GALM: variants seen among roughly 807,000 people sequenced by gnomAD.
GALM encodes the protein galactose mutarotase.
A neutral mutation model predicts 37.4 loss-of-function variants in GALM; 43 were observed. The observed-to-expected ratio is 1.15, with a 90% CI of 0.90 to 1.48. The LOEUF (loss-of-function observed/expected upper bound fraction) is 1.48. GALM is among the 40% of genes most tolerant of loss of function. GALM has a pLI of 0.00. For missense variants in GALM, 456 were observed against 419.1 expected, an observed-to-expected ratio of 1.09 and a Z score of -0.77; for synonymous variants, 199 against 170.6, an observed-to-expected ratio of 1.17 and a Z score of -1.30.
At chr2:38,675,363 T>C (rs1436433077) in intron 1 of GALM, among the ~76,000 whole-genome samples, 1 of 152,106 alleles carries the variant, frequency 6.6e-6, no homozygotes, top group African/African-American at 2.4e-5. Flanking sequence ...GTATAATGAA[T>C]ATTAATTACT....
intron 3 of GALM, among the ~76,000 whole-genome samples, chr2:38,684,354 T>G (rs1352517190): frequency 2.0e-5 from 3 of 149,108 alleles, no homozygotes; most frequent in Non-Finnish European, 3.0e-5. Context: ...AACACAAAAC[T>G]GGGATAACTT....
Position 38,682,669 on chromosome 2 carries a change from A to G in GALM, c.552+1183A>G, listed in dbSNP as rs370701885. Among the ~76,000 whole-genome samples the G allele has an allele frequency of 1.6e-4, 25 of 152,166 alleles. 1 individual carries two copies. The East Asian group carries it at 3.5e-3, about 21-fold the overall frequency. On this transcript the variant is annotated intron_variant, in intron 3 of 6. Coordinates refer to ENST00000272252, the MANE Select transcript of GALM (RefSeq NM_138801.3). ...CCCGGCACTTTGGGAGGCCGAGATG[A>G]GTGAATCACCTGAGGTTAGGAGTTT...
intron 6 of GALM, among the ~76,000 whole-genome samples, chr2:38,732,424 T>C (rs1666627254): frequency 6.6e-6 from 1 of 152,194 alleles, no homozygotes; most frequent in Non-Finnish European, 1.5e-5. Flanking sequence ...TAACATGGGA[T>C]TTACATGGTT....
At chr2:38,687,383 C>T (rs1665563110) in intron 3 of GALM, among the ~76,000 whole-genome samples, 1 of 152,156 alleles carries the variant, frequency 6.6e-6, no homozygotes, top group African/African-American at 2.4e-5. Context: ...TACCCCTGCC[C>T]AGCACACACC....
intron 4 of GALM, among the ~76,000 whole-genome samples, chr2:38,696,833 A>C (rs569130819): frequency 8.0e-6 from 1 of 124,450 alleles, no homozygotes; most frequent in South Asian, 2.7e-4. Flanking sequence ...TCTGTCAACC[A>C]GGCTGGAGTG....
In GALM at chr2:38,722,376, T is replaced by C. The variant is rs116829119; in HGVS notation, c.635-7180T>C. Among the ~76,000 whole-genome samples, 351 of 152,266 alleles carry C rather than the reference T, an allele frequency of 2.3e-3. 1 individual carries two copies. Among genetic ancestry groups the C allele is most frequent in the African/African-American group, 7.9e-3 (329 of 41,570 alleles). On this transcript the variant is annotated intron_variant, in intron 4 of 6. Transcript: ENST00000272252. ...ATGAAAACAACCTCTAGTGGGCCCT[T>C]GATGCTGTCTGCAGTCAGACATTCT...
chr2:38,683,115 T>C (rs1487768802), intron 3 of GALM, among the ~76,000 whole-genome samples: 1 of 152,140 alleles, frequency 6.6e-6, no homozygotes, highest in African/African-American at 2.4e-5. Flanking sequence ...AGGGGAGATC[T>C]AAAGGAATAG....
chr2:38,730,496 A>G (rs1666584222), intron 5 of GALM, among the ~76,000 whole-genome samples: 1 of 151,960 alleles, frequency 6.6e-6, no homozygotes, highest in Non-Finnish European at 1.5e-5. Flanking sequence ...TGAACTCCTG[A>G]CCTTGTAATC....
At chr2:38,701,556 C>T (rs1437769030) in intron 4 of GALM, among the ~76,000 whole-genome samples, 1 of 152,114 alleles carries the variant, frequency 6.6e-6, no homozygotes, top group Non-Finnish European at 1.5e-5. Flanking sequence ...TTTTTAAAAG[C>T]TTATTCTAAA....
Position 38,729,325 on chromosome 2 carries a change from C to A in GALM, c.635-231C>A, listed in dbSNP as rs151308437. ...GCCTCAGCCTCCTGAGTAGCTGAGA[C>A]CACAGGGACACATCACTATGCCTGG... is the stretch of plus-strand genomic sequence containing the variant. On this transcript the variant is annotated intron_variant, in intron 4 of 6. Transcript: ENST00000272252. Among the ~76,000 whole-genome samples, 131 of 152,084 alleles carry A rather than the reference C, an allele frequency of 8.6e-4. 1 individual carries two copies. The East Asian group carries it at 0.021, about 25-fold the overall frequency.
At chr2:38,675,543 T>TTGTGTGTGTG (rs1160196072) in intron 1 of GALM, among the ~76,000 whole-genome samples, 26 of 33,624 alleles carry the variant, frequency 7.7e-4, no homozygotes, top group Middle Eastern at 0.015. Context: ...TTTTTTTTTT[T>TTGTGTGTGTG]TGTGTGTGTG....
intron 4 of GALM, among the ~76,000 whole-genome samples, chr2:38,717,619 C>G (rs1487562886): frequency 1.3e-5 from 2 of 151,868 alleles, no homozygotes; most frequent in African/African-American, 4.8e-5. Context: ...AGGCTGGTCT[C>G]GAACTCCCGG....
intron 1 of GALM, among the ~76,000 whole-genome samples, chr2:38,674,063 T>C (rs748901634): frequency 6.6e-5 from 10 of 152,122 alleles, no homozygotes; most frequent in Non-Finnish European, 1.3e-4. Flanking sequence ...GTGGTTACCA[T>C]TGGAAAGGAG....
At chr2:38,698,224 A>C (rs1021310053) in intron 4 of GALM, 3 of 343,258 alleles carry the variant, frequency 8.7e-6, no homozygotes, top group Non-Finnish European at 1.2e-5. Flanking sequence ...GATTATATAT[A>C]TATTTTAAAT....
chr2:38,684,812 A>G (rs1458101391), intron 3 of GALM, among the ~76,000 whole-genome samples: 2 of 151,844 alleles, frequency 1.3e-5, no homozygotes, highest in Non-Finnish European at 2.9e-5. Flanking sequence ...GTTTTTATAA[A>G]CAATAAAAAC....
chr2:38,713,261 C>T (rs1305445629), intron 4 of GALM, among the ~76,000 whole-genome samples: 1 of 152,188 alleles, frequency 6.6e-6, no homozygotes, highest in Admixed American at 6.5e-5. Flanking sequence ...ATCAAGCAAA[C>T]CCTGAATGCC....
rs1182391373 is a variant in GALM, at chr2:38,733,742, G to C, written c.*177G>C. The C allele has an allele frequency of 3.3e-6, 2 of 612,038 alleles. No individual in the cohort carries two copies. The highest frequency in any genetic ancestry group is 6.2e-5 in the East Asian group (2 of 32,002). 37.9% of individuals were successfully genotyped at this position (612,038 alleles called of 1,614,324 possible). On this transcript the variant is annotated 3_prime_UTR_variant, in exon 7 of 7. Coordinates refer to ENST00000272252, the MANE Select transcript of GALM (RefSeq NM_138801.3). ...TTTCCTTTTCCAGTGACTGGCTCCA[G>C]GCCATGTCTAATGACCAGCTCGATT...
chr2:38,673,809 CA>C (rs373671218), intron 1 of GALM, among the ~76,000 whole-genome samples: 397 of 84,468 alleles, frequency 4.7e-3, no homozygotes, highest in Middle Eastern at 0.018. Context: ...GACTCCGTCT[CA>C]AAAAAAAAAA....
chr2:38,728,319 G>A (rs1381936007), intron 4 of GALM, among the ~76,000 whole-genome samples: 2 of 152,020 alleles, frequency 1.3e-5, no homozygotes, highest in Admixed American at 1.3e-4. Context: ...ACTTGAACCT[G>A]GGAGGCAGAG....
Sources: allele counts gnomAD v4.1 joint callset (sites outside exome capture counted in the v4.1 genomes callset), GRCh38; gene constraint gnomAD v4.1.1; transcripts MANE v1.5; gene names NCBI Gene and HGNC (gene_info 2026-07-23, HGNC 2026-07-21).